Variants in AHCYL2 observed in about 807,000 individuals in gnomAD.
The protein encoded by AHCYL2 is S-adenosylhomocysteine hydrolase-like protein 2.
A neutral mutation model predicts 81.4 loss-of-function variants in AHCYL2; 28 were observed. The observed-to-expected ratio is 0.34, with a 90% CI of 0.25 to 0.47. The LOEUF is 0.47. Among genes scored for constraint, AHCYL2 ranks in the 20% least tolerant of loss-of-function variants. AHCYL2 has a pLI of 1.00. For synonymous variants in AHCYL2, 272 were observed against 290.2 expected, an observed-to-expected ratio of 0.94 and a Z score of 0.64; for missense variants, 551 against 785.1, an observed-to-expected ratio of 0.70 and a Z score of 3.56.
rs1234393940 is a variant in AHCYL2 at position 129,406,353 on chromosome 7, T to C, written c.1207-25T>C. The C allele has an allele frequency of 6.2e-7, 1 of 1,607,014 alleles. No individual in the cohort carries two copies. Among genetic ancestry groups the C allele is most frequent in the Non-Finnish European group, 8.5e-7 (1 of 1,173,812 alleles). On this transcript the variant is annotated intron_variant, in intron 9 of 16. Coordinates refer to ENST00000325006, the MANE Select transcript of AHCYL2 (RefSeq NM_015328.4). This position sits in a 1 kb window ranked among gnomAD's most constrained non-coding sequence, Gnocchi z 4.3. ...TGGTTTTCTCAGTGACTTTCCTTAA[T>C]ATGTGTGCTCTCTCCCCTCTTCAGG...
At chr7:129,321,066 T>G (rs1238827202) in intron 1 of AHCYL2, among the ~76,000 whole-genome samples, 1 of 152,244 alleles carries the variant, frequency 6.6e-6, no homozygotes, top group Non-Finnish European at 1.5e-5. Context: ...CATATTAGCT[T>G]TAGTACAGTT....
rs1477390064 is a variant in AHCYL2, at chr7:129,368,616, C to T, written c.364-11022C>T. 11 of 1,573,952 alleles carry T rather than the reference C, an allele frequency of 7.0e-6. No individual in the cohort carries two copies. Among genetic ancestry groups the T allele is most frequent in the South Asian group, 3.3e-5 (3 of 90,246 alleles). On this transcript the variant is annotated intron_variant, in intron 1 of 16. Transcript: ENST00000325006. The surrounding 1 kb of genome is among the most constrained non-coding windows in gnomAD (Gnocchi z 4.4). ...GATAATGAGAGGCAACCATTTCTGA[C>T]GGGTGACAAGGATCACCTCTGAGAA... is the stretch of plus-strand genomic sequence containing the variant.
chr7:129,309,164 G>A (rs1289266178), intron 1 of AHCYL2, among the ~76,000 whole-genome samples: 1 of 152,130 alleles, frequency 6.6e-6, no homozygotes, highest in Non-Finnish European at 1.5e-5. Flanking sequence ...CCCAGGAGGT[G>A]GAGGTTGCAG....
intron 1 of AHCYL2, among the ~76,000 whole-genome samples, chr7:129,373,517 T>C (rs551383065): frequency 1.3e-5 from 2 of 152,094 alleles, no homozygotes; most frequent in Non-Finnish European, 2.9e-5. Flanking sequence ...GGAGAATCAC[T>C]TGACCCCGGG....
At chr7:129,333,290 C>T (rs4338039) in intron 1 of AHCYL2, among the ~76,000 whole-genome samples, 3,549 of 134,564 alleles carry the variant, frequency 0.026, 75 homozygotes, top group Admixed American at 0.068. Flanking sequence ...GGCAACTTAG[C>T]GAGATCTCAT....
intron 1 of AHCYL2, chr7:129,375,657 C>A: frequency 2.2e-6 from 3 of 1,373,254 alleles, no homozygotes; most frequent in East Asian, 2.7e-5. Context: ...GCTGTTGAGC[C>A]ACTAACAGAA....
At chr7:129,300,555 A>C (rs1025838023) in intron 1 of AHCYL2, among the ~76,000 whole-genome samples, 1 of 152,180 alleles carries the variant, frequency 6.6e-6, no homozygotes, top group African/African-American at 2.4e-5. Context: ...GTTGATGGAC[A>C]CTTAGGTTGC....
rs542683381 is a variant in AHCYL2 at position 129,406,050 on chromosome 7, C to A, written c.1206+151C>A. The A allele has an allele frequency of 2.1e-4, 163 of 761,864 alleles. 3 individuals carry two copies. The South Asian group carries it at 2.7e-3, about 13-fold the overall frequency. 47.2% of individuals were successfully genotyped at this position (761,864 alleles called of 1,614,324 possible). ...AGGCCTTCTGGTTGAAGTAGACTTT[C>A]TTTTTCCCTTTGCGTTGCCGCCATT... On this transcript the variant is annotated intron_variant, in intron 9 of 16. Coordinates refer to ENST00000325006, the MANE Select transcript of AHCYL2 (RefSeq NM_015328.4). The surrounding 1 kb of genome is among the most constrained non-coding windows in gnomAD (Gnocchi z 4.3).
At chr7:129,391,163 T>C (rs1341872459) in intron 4 of AHCYL2, among the ~76,000 whole-genome samples, 1 of 152,202 alleles carries the variant, frequency 6.6e-6, no homozygotes, top group African/African-American at 2.4e-5. Context: ...AAATGTGTTA[T>C]TGATTCCAGA....
chr7:129,305,120 G>T (rs1358237906), intron 1 of AHCYL2, among the ~76,000 whole-genome samples: 1 of 151,952 alleles, frequency 6.6e-6, no homozygotes, highest in African/African-American at 2.4e-5. Context: ...ATTTTAAACT[G>T]ATGACAACAC....
intron 1 of AHCYL2, among the ~76,000 whole-genome samples, chr7:129,242,394 G>T (rs1794891258): frequency 6.6e-6 from 1 of 151,210 alleles, no homozygotes; most frequent in African/African-American, 2.4e-5. Context: ...ATGTGTGAGA[G>T]TTTCTCCAGG....
chr7:129,300,922 C>T (rs1432186356), intron 1 of AHCYL2, among the ~76,000 whole-genome samples: 1 of 152,176 alleles, frequency 6.6e-6, no homozygotes, highest in South Asian at 2.1e-4. Flanking sequence ...GCAATCTCCA[C>T]CTCCTGGGTA....
chr7:129,230,534 A>G (rs1036364185), intron 1 of AHCYL2, among the ~76,000 whole-genome samples: 1 of 151,920 alleles, frequency 6.6e-6, no homozygotes, highest in African/African-American at 2.4e-5. Context: ...TTCAATTCAA[A>G]TAGTACTCTG....
chr7:129,406,114 C>T lies in AHCYL2; in HGVS notation c.1206+215C>T, dbSNP rs1004769467. Among the ~76,000 whole-genome samples, 2 of 152,174 alleles carry T rather than the reference C, an allele frequency of 1.3e-5. No homozygotes were observed. Among genetic ancestry groups the T allele is most frequent in the Admixed American group, 6.5e-5 (1 of 15,290 alleles). ...ATTTTCTGACTTGCTCCAGTACCAC[C>T]GTTTGTGATGTTCTTTTTAGCTTGT... On this transcript the variant is annotated intron_variant, in intron 9 of 16. Transcript: ENST00000325006. The surrounding 1 kb of genome is among the most constrained non-coding windows in gnomAD (Gnocchi z 4.3).
intron 1 of AHCYL2, among the ~76,000 whole-genome samples, chr7:129,362,827 T>TA: frequency 6.6e-6 from 1 of 152,180 alleles, no homozygotes; most frequent in Non-Finnish European, 1.5e-5. Flanking sequence ...TTCCTTGCCC[T>TA]GTGCCTTATC....
chr7:129,326,694 A>G (rs1208035081), intron 1 of AHCYL2, among the ~76,000 whole-genome samples: 2 of 152,014 alleles, frequency 1.3e-5, no homozygotes, highest in Non-Finnish European at 2.9e-5. Context: ...GAAGAAACTC[A>G]CCATATGAAG....
At chr7:129,312,278 G>T (rs1056530859) in intron 1 of AHCYL2, among the ~76,000 whole-genome samples, 7 of 152,164 alleles carry the variant, frequency 4.6e-5, no homozygotes, top group African/African-American at 1.7e-4. Context: ...TAGATACAGG[G>T]TCTCCCTGTG....
chr7:129,313,657 A>T (rs1317538952), intron 1 of AHCYL2, among the ~76,000 whole-genome samples: 1 of 152,220 alleles, frequency 6.6e-6, no homozygotes, highest in Non-Finnish European at 1.5e-5. Flanking sequence ...ATAGTACAAA[A>T]GGATCGTTTC....
intron 1 of AHCYL2, among the ~76,000 whole-genome samples, chr7:129,366,348 G>A (rs974429241): frequency 2.0e-5 from 3 of 152,118 alleles, no homozygotes; most frequent in Non-Finnish European, 4.4e-5. Flanking sequence ...GCATCTTACA[G>A]TACCTCTTCC....
Sources: gnomAD v4.1 joint callset for allele counts (sites outside exome capture counted in the v4.1 genomes callset) on GRCh38, gnomAD v4.1.1 for gene constraint, Gnocchi (gnomAD v3.1) non-coding constraint, MANE v1.5 for transcripts, NCBI Gene and HGNC (gene_info 2026-07-23, HGNC 2026-07-21) for gene names.